The following PLCG1 variants were observed in gnomAD, a reference collection of about 807,000 sequenced individuals.
PLCG1 encodes 1-phosphatidylinositol 4,5-bisphosphate phosphodiesterase gamma-1.
In PLCG1, 71 loss-of-function variants were observed where a neutral mutation model predicts 177.8. The observed-to-expected ratio is 0.40, with a 90% CI of 0.33 to 0.49. PLCG1 has a LOEUF of 0.49. Ranked by LOEUF, PLCG1 falls within the 20% of genes least tolerant of loss-of-function variation. PLCG1 has a pLI of 0.72. For synonymous variants in PLCG1, 658 were observed against 647.9 expected (o/e 1.02, Z -0.24); for missense variants, 1,281 against 1,709.0 (o/e 0.75, Z 4.42).
Position 41,137,800 on chromosome 20 carries a change from C to G in PLCG1, c.159C>G (p.Val53=). ...SQRPERKTFQ[V]KLETRQITWS... ...GACCCGAGCGGAAGACCTTCCAGGTCAAGCTGGAGACGCGCCAGATCACGT... is the reference window on the plus strand; with the variant it reads ...GACCCGAGCGGAAGACCTTCCAGGTGAAGCTGGAGACGCGCCAGATCACGT... The change falls in exon 1 of 32, where the codon GTC becomes GTG. Residue 53 remains valine, a synonymous_variant. Transcript: ENST00000685551. This position sits in a 1 kb window ranked among gnomAD's most constrained non-coding sequence, Gnocchi z 7.3. 1 of 1,302,472 alleles carries G rather than the reference C, an allele frequency of 7.7e-7. No individual in the cohort carries two copies. Among genetic ancestry groups the G allele is most frequent in the East Asian group, 2.9e-5 (1 of 34,430 alleles). The allele number at this position is 1,302,472 out of a possible 1,614,324, so 80.7% of individuals were successfully genotyped here. A position where few individuals can be genotyped will look rare whatever the true frequency, so the allele number is the denominator to read the frequency against.
At chr20:41,161,573 CTG>C (rs1276558880) in intron 4 of PLCG1, among the ~76,000 whole-genome samples, 1 of 152,174 alleles carries the variant, frequency 6.6e-6, no homozygotes, top group Non-Finnish European at 1.5e-5. Context: ...TCCTGGGTGA[CTG>C]AGGATCAGAG....
In PLCG1 at chr20:41,166,938, A is replaced by T; in HGVS notation, c.2301+79A>T. On this transcript the variant is annotated intron_variant, in intron 19 of 31. Coordinates refer to ENST00000685551, the MANE Select transcript of PLCG1 (RefSeq NM_002660.3). This position sits in a 1 kb window ranked among gnomAD's most constrained non-coding sequence, Gnocchi z 8.6. ...ATCTTACCAGTCTCTGGATGTGTGT[A>T]ACAGCAAGACCTGGTGTGTTGTAGA... 1 of 1,351,676 alleles carries T rather than the reference A, an allele frequency of 7.4e-7. No homozygotes were observed. Among genetic ancestry groups the T allele is most frequent in the Non-Finnish European group, 1.0e-6 (1 of 952,594 alleles). The allele number at this position is 1,351,676 out of a possible 1,614,324, so 83.7% of individuals were successfully genotyped here.
intron 20 of PLCG1, among the ~76,000 whole-genome samples, chr20:41,168,464 C>T (rs569070629): frequency 6.6e-6 from 1 of 152,340 alleles, no homozygotes; most frequent in South Asian, 2.1e-4. Flanking sequence ...GGCCTGCCAG[C>T]CCTGACTCCT....
Position 41,147,584 on chromosome 20 carries a change from C to CT in PLCG1, c.217+9727dup, listed in dbSNP as rs1233173148. Among the ~76,000 whole-genome samples, 1 of 152,224 alleles carries CT rather than the reference C, an allele frequency of 6.6e-6. No homozygotes were observed. Among genetic ancestry groups the CT allele is most frequent in the Non-Finnish European group, 1.5e-5 (1 of 68,040 alleles). On this transcript the variant is annotated intron_variant, in intron 1 of 31. Transcript: ENST00000685551. The surrounding 1 kb of genome is among the most constrained non-coding windows in gnomAD (Gnocchi z 4.0). ...ATTTAAGCTGGGCTGGGCACGGTGG[C>CT]TCACGCCTGTAATCCCAGCACTTTG...
rs981959906 is a variant in PLCG1 at position 41,151,973 on chromosome 20, T to A, written c.218-7633T>A. On this transcript the variant is annotated intron_variant, in intron 1 of 31. Coordinates refer to ENST00000685551, the MANE Select transcript of PLCG1 (RefSeq NM_002660.3). This position sits in a 1 kb window ranked among gnomAD's most constrained non-coding sequence, Gnocchi z 5.5. ...AGGGAGTTGTATAGGAACCTGGGGA[T>A]GGGGTGACTGAGGTAGGGGGCCAGA... Among the ~76,000 whole-genome samples the A allele has an allele frequency of 6.6e-6, 1 of 152,130 alleles. No individual in the cohort carries two copies. The highest frequency in any genetic ancestry group is 1.5e-5 in the Non-Finnish European group (1 of 68,004).
In PLCG1 at chr20:41,174,419, G is replaced by A. The variant is rs1224293736; in HGVS notation, c.3834-48G>A. ...AAGTTGTAATATTGTCTGGCATTGG[G>A]CTGCAAGGCCCTGCCTGCCAGTAAG... On this transcript the variant is annotated intron_variant, in intron 31 of 31. Coordinates refer to ENST00000685551, the MANE Select transcript of PLCG1 (RefSeq NM_002660.3). The surrounding 1 kb of genome is among the most constrained non-coding windows in gnomAD (Gnocchi z 5.8). 6.3e-7 allele frequency: 1 copy of A among 1,592,606 alleles called. No homozygotes were observed. Among genetic ancestry groups the A allele is most frequent in the Non-Finnish European group, 8.6e-7 (1 of 1,166,564 alleles).
Position 41,157,512 on chromosome 20 carries a change from C to T in PLCG1, c.218-2094C>T, listed in dbSNP as rs576883927. 6.4e-4 allele frequency among the ~76,000 whole-genome samples: 98 copies of T among 152,304 alleles called. 2 individuals carry two copies. The highest frequency in any genetic ancestry group is 5.8e-3 in the Admixed American group (89 of 15,300). The stretch of plus-strand genomic sequence containing the variant: ...TCCCCATCCCTATTTGGTTTTCCCT[C>T]CTTCTGCCTGTGTACCTGCCTTTTT... On this transcript the variant is annotated intron_variant, in intron 1 of 31. Transcript: ENST00000685551. The surrounding 1 kb of genome is among the most constrained non-coding windows in gnomAD (Gnocchi z 5.4).
chr20:41,169,348 G>C, intron 22 of PLCG1, 109 bp from the exon 23 acceptor site: 1 of 976,436 alleles, frequency 1.0e-6, no homozygotes, highest in Non-Finnish European at 1.6e-6. Flanking sequence ...TGCTACATTT[G>C]GCAGTCACAG....
intron 1 of PLCG1, among the ~76,000 whole-genome samples, chr20:41,139,065 C>T (rs1209267200): frequency 6.6e-6 from 1 of 152,116 alleles, no homozygotes; most frequent in Non-Finnish European, 1.5e-5. Context: ...CACAAACCTT[C>T]TTGGGTATGG....
At chr20:41,140,462 A>T (rs2034785516) in intron 1 of PLCG1, among the ~76,000 whole-genome samples, 1 of 152,188 alleles carries the variant, frequency 6.6e-6, no homozygotes, top group South Asian at 2.1e-4. Flanking sequence ...CTACCAGGGT[A>T]CCAGCAGTGC....
At position 41,166,416 on chromosome 20, in the gene PLCG1, G is replaced by A. The variant is rs772819012; in HGVS notation, c.2000+22G>A. ...AAGAGTGAGGGAAGGGCCTGGGGGC[G>A]GACAAGGCAGGGCAGGGCCATGGGT... is the stretch of plus-strand genomic sequence containing the variant. On this transcript the variant is annotated intron_variant, in intron 17 of 31. Transcript: ENST00000685551. This position sits in a 1 kb window ranked among gnomAD's most constrained non-coding sequence, Gnocchi z 8.6. 9.9e-6 allele frequency: 16 copies of A among 1,613,890 alleles called. No individual in the cohort carries two copies. Among genetic ancestry groups the A allele is most frequent in the Middle Eastern group, 1.6e-4 (1 of 6,084 alleles).
rs191481477 is a variant in PLCG1 at position 41,141,886 on chromosome 20, G to A, written c.217+4028G>A. ...AGCTTCTCTCCAGACTCTTGTGTGT[G>A]TGTGTACACAGATGCACAGGATTCA... On this transcript the variant is annotated intron_variant, in intron 1 of 31. Transcript: ENST00000685551. 5.1e-4 allele frequency among the ~76,000 whole-genome samples: 77 copies of A among 152,344 alleles called. 1 individual carries two copies. Among genetic ancestry groups the A allele is most frequent in the East Asian group, 4.8e-3 (25 of 5,190 alleles).
intron 23 of PLCG1, chr20:41,169,758 A>C (rs191770124): frequency 2.1e-5 from 12 of 580,762 alleles, no homozygotes; most frequent in East Asian, 8.5e-5. Context: ...CGTCAGAATC[A>C]GCAGAACAAA....
chr20:41,169,075 A>G lies in PLCG1; in HGVS notation c.2484-4A>G. On this transcript the variant is annotated splice_region_variant and splice_polypyrimidine_tract_variant and intron_variant, in intron 21 of 31. Coordinates refer to ENST00000685551, the MANE Select transcript of PLCG1 (RefSeq NM_002660.3). ...TGGAGGTCAGCACCCTGTGGCTCCC[A>G]CAGGTGGCGAGGGGACTACGGAGGG... The G allele has an allele frequency of 6.2e-7, 1 of 1,611,922 alleles. No individual in the cohort carries two copies. The highest frequency in any genetic ancestry group is 8.5e-7 in the Non-Finnish European group (1 of 1,177,962).
Position 41,172,120 on chromosome 20 carries a change from A to C in PLCG1, c.2809-73A>C. The C allele has an allele frequency of 8.4e-7, 1 of 1,191,004 alleles. No homozygotes were observed. The highest frequency in any genetic ancestry group is 1.3e-6 in the Non-Finnish European group (1 of 794,184). The allele number at this position is 1,191,004 out of a possible 1,614,324, so 73.8% of individuals were successfully genotyped here. A position where few individuals can be genotyped will look rare whatever the true frequency, so the allele number is the denominator to read the frequency against. ...GAGCACCTGCAGTGTGGGCATGCCC[A>C]AGGTTGGCAGGGGCTTCCTTCTCCT... On this transcript the variant is annotated intron_variant, in intron 24 of 31. Coordinates refer to ENST00000685551, the MANE Select transcript of PLCG1 (RefSeq NM_002660.3). This position sits in a 1 kb window ranked among gnomAD's most constrained non-coding sequence, Gnocchi z 7.0.
At chr20:41,169,306 T>C (rs779828881) in intron 22 of PLCG1, 131 bp downstream of exon 22, 1 of 924,824 alleles carries the variant, frequency 1.1e-6, no homozygotes, top group Non-Finnish European at 1.8e-6. Flanking sequence ...GCACAGCCCA[T>C]GTGGCCATGC....
In PLCG1 at chr20:41,160,231, GC is replaced by G. The variant is rs1163668659; in HGVS notation, c.512+81del. ...ACCTTAGCCAGGCCTCTAAGTAGCT[GC>G]CCGGAGAGCCAGAGGACCCAGGGGA... On this transcript the variant is annotated intron_variant, in intron 4 of 31. Transcript: ENST00000685551. This position sits in a 1 kb window ranked among gnomAD's most constrained non-coding sequence, Gnocchi z 5.5. 112 of 1,339,362 alleles carry G rather than the reference GC, an allele frequency of 8.4e-5. 2 individuals carry two copies. The South Asian group carries it at 1.2e-3, about 14-fold the overall frequency. The allele number at this position is 1,339,362 out of a possible 1,614,324, so 83.0% of individuals were successfully genotyped here.
At position 41,163,482 on chromosome 20, in the gene PLCG1, G is replaced by T. The variant is rs757835006; in HGVS notation, c.891+3G>T. 8.5e-5 allele frequency: 136 copies of T among 1,599,328 alleles called. No homozygotes were observed. Among genetic ancestry groups the T allele is most frequent in the Non-Finnish European group, 1.1e-4 (128 of 1,168,456 alleles). On this transcript the variant is annotated splice_donor_region_variant and intron_variant, in intron 9 of 31. Transcript: ENST00000685551. This position sits in a 1 kb window ranked among gnomAD's most constrained non-coding sequence, Gnocchi z 5.2. ...AGCCATACTTCTTCCTGGATGAGGT[G>T]AGCCCGATGTTTCACCCATTTTTTG...
At position 41,139,291 on chromosome 20, in the gene PLCG1, A is replaced by G. The variant is rs976653679; in HGVS notation, c.217+1433A>G. Among the ~76,000 whole-genome samples, 4 of 152,178 alleles carry G rather than the reference A, an allele frequency of 2.6e-5. 1 individual carries two copies. The South Asian group carries it at 8.3e-4, about 32-fold the overall frequency. On this transcript the variant is annotated intron_variant, in intron 1 of 31. Coordinates refer to ENST00000685551, the MANE Select transcript of PLCG1 (RefSeq NM_002660.3). ...TGAGAGCCTGTGGATTCCAAAGTAAAGGAAGAATCGACACTGCAAAGAGCT... is the reference window on the plus strand; with the variant it reads ...TGAGAGCCTGTGGATTCCAAAGTAAGGGAAGAATCGACACTGCAAAGAGCT...
Sources: allele counts gnomAD v4.1 joint callset (sites outside exome capture counted in the v4.1 genomes callset), GRCh38; gene constraint gnomAD v4.1.1; non-coding constraint Gnocchi (gnomAD v3.1); transcripts MANE v1.5; gene names NCBI Gene and HGNC (gene_info 2026-07-23, HGNC 2026-07-21).